STX3: variants seen among roughly 807,000 people sequenced by gnomAD.
STX3 encodes the protein syntaxin-3.
In STX3, 19 loss-of-function variants were observed where a neutral mutation model predicts 40.2. That is an observed-to-expected ratio of 0.47 (90% CI 0.33 to 0.69). The LOEUF (loss-of-function observed/expected upper bound fraction) is 0.69. Among genes scored for constraint, STX3 ranks in the 30% least tolerant of loss-of-function variants. The probability of loss-of-function intolerance (pLI) is 0.02; values close to 1 mark genes in which losing one functional copy is unlikely to be tolerated. For synonymous variants in STX3, 122 were observed against 132.2 expected, an observed-to-expected ratio of 0.92 and a Z score of 0.53; for missense variants, 364 against 366.7, an observed-to-expected ratio of 0.99 and a Z score of 0.06.
intron 1 of STX3, among the ~76,000 whole-genome samples, chr11:59,756,578 G>A (rs189758073): frequency 5.9e-5 from 9 of 152,256 alleles, no homozygotes; most frequent in African/African-American, 2.2e-4. Context: ...AGCAGCTTAG[G>A]CCTGAGTCTA....
At position 59,803,362 on chromosome 11, in the gene STX3, G is replaced by C; in HGVS notation, c.*2538G>C. On this transcript the variant is annotated 3_prime_UTR_variant, in exon 11 of 11. Transcript: ENST00000337979. ...CTGACTTGAAACCTTTGTGTCTTGG[G>C]GGCACTCTAGGTGCCTTAATCTGGG... is the stretch of plus-strand genomic sequence containing the variant. 1.9e-6 allele frequency: 2 copies of C among 1,076,452 alleles called. No individual in the cohort carries two copies. Among genetic ancestry groups the C allele is most frequent in the African/African-American group, 3.3e-5 (2 of 61,256 alleles). 66.7% of individuals were successfully genotyped at this position (1,076,452 alleles called of 1,614,324 possible).
intron 9 of STX3, chr11:59,795,700 T>C: frequency 6.5e-7 from 1 of 1,536,698 alleles, no homozygotes; most frequent in Middle Eastern, 1.7e-4. Context: ...AGTATCAGAG[T>C]GAAGCCCGGA....
chr11:59,793,209 C>T (rs776215036), intron 7 of STX3, 37 bp downstream of exon 7: 52 of 1,610,348 alleles, frequency 3.2e-5, no homozygotes, highest in Admixed American at 3.2e-4. Context: ...ACATCCCTCT[C>T]GTGAGCAGGG....
At chr11:59,780,672 C>G (rs1435276224) in intron 2 of STX3, among the ~76,000 whole-genome samples, 1 of 152,214 alleles carries the variant, frequency 6.6e-6, no homozygotes. Context: ...CATCAGACAG[C>G]TCTGGCTTTA....
At chr11:59,793,678 A>G (rs1291158210) in intron 8 of STX3, among the ~76,000 whole-genome samples, 164 bp downstream of exon 8, 1 of 152,152 alleles carries the variant, frequency 6.6e-6, no homozygotes, top group Non-Finnish European at 1.5e-5. Flanking sequence ...TGTGCATTCA[A>G]ATTGAATGTT....
Position 59,793,025 on chromosome 11 carries a change from A to G in STX3, c.467-74A>G, listed in dbSNP as rs571825681. 66 of 1,494,408 alleles carry G rather than the reference A, an allele frequency of 4.4e-5. 1 individual carries two copies. The South Asian group carries it at 7.1e-4, about 16-fold the overall frequency. 92.6% of individuals were successfully genotyped at this position (1,494,408 alleles called of 1,614,324 possible). A position where few individuals can be genotyped will look rare whatever the true frequency, so the allele number is the denominator to read the frequency against. Reference sequence around the variant, plus strand: ...GTCTTTATAGGGAAGTCACGTTCCTAATTTTCAGGGTCCTTATCAGATGGT... The same window carrying G: ...GTCTTTATAGGGAAGTCACGTTCCTGATTTTCAGGGTCCTTATCAGATGGT... On this transcript the variant is annotated intron_variant, in intron 6 of 10. Coordinates refer to ENST00000337979, the MANE Select transcript of STX3 (RefSeq NM_004177.5).
chr11:59,772,133 G>A (rs1001343509), intron 1 of STX3, among the ~76,000 whole-genome samples: 1 of 152,204 alleles, frequency 6.6e-6, no homozygotes. Context: ...CTAAGTGTTC[G>A]AGAGTGCTAT....
intron 1 of STX3, among the ~76,000 whole-genome samples, chr11:59,770,541 A>C (rs1212209566): frequency 6.6e-6 from 1 of 151,828 alleles, no homozygotes; most frequent in African/African-American, 2.4e-5. Flanking sequence ...GTCACAGTGA[A>C]CCTCTTGGGA....
At chr11:59,760,509 C>T (rs1388909933) in intron 1 of STX3, among the ~76,000 whole-genome samples, 2 of 151,904 alleles carry the variant, frequency 1.3e-5, no homozygotes, top group Non-Finnish European at 2.9e-5. Flanking sequence ...CCTTTATCCC[C>T]TTTATCTTCT....
At chr11:59,799,707 G>C (rs1865759603) in intron 10 of STX3, 1 of 985,148 alleles carries the variant, frequency 1.0e-6, no homozygotes, top group Admixed American at 6.2e-5. Flanking sequence ...CCTTCCATGT[G>C]ACCAGGGGAT....
intron 3 of STX3, 43 bp downstream of exon 3, chr11:59,787,179 TC>T (rs755455737): frequency 6.4e-7 from 1 of 1,568,662 alleles, no homozygotes; most frequent in African/African-American, 1.4e-5. Flanking sequence ...AATCACCCTT[TC>T]CTTGGAGCTG....
intron 1 of STX3, among the ~76,000 whole-genome samples, chr11:59,771,001 G>C (rs1863591401): frequency 6.6e-6 from 1 of 152,116 alleles, no homozygotes; most frequent in Non-Finnish European, 1.5e-5. Context: ...ATTCACTTCA[G>C]ACTCCTTTCA....
At chr11:59,780,981 T>A (rs1386821581) in intron 2 of STX3, among the ~76,000 whole-genome samples, 1 of 152,186 alleles carries the variant, frequency 6.6e-6, no homozygotes. Flanking sequence ...AAAGGAGAAT[T>A]GAAACATTAG....
chr11:59,793,559 C>T (rs1387830718), intron 8 of STX3, 45 bp downstream of exon 8: 6 of 1,592,796 alleles, frequency 3.8e-6, no homozygotes, highest in Non-Finnish European at 5.1e-6. Context: ...GAGAGGAAAG[C>T]TCAGGGTCTA....
At chr11:59,785,165 T>C (rs910449520) in intron 2 of STX3, among the ~76,000 whole-genome samples, 1 of 152,228 alleles carries the variant, frequency 6.6e-6, no homozygotes, top group African/African-American at 2.4e-5. Context: ...ATTATTACAT[T>C]GTAATTTTAT....
intron 2 of STX3, among the ~76,000 whole-genome samples, chr11:59,775,024 G>C (rs1863880754): frequency 6.6e-6 from 1 of 152,194 alleles, no homozygotes; most frequent in Non-Finnish European, 1.5e-5. Context: ...GAAGTATCGT[G>C]CTCTTTTTGC....
intron 9 of STX3, among the ~76,000 whole-genome samples, chr11:59,796,811 G>T (rs1012889345): frequency 1.3e-5 from 2 of 152,088 alleles, no homozygotes; most frequent in African/African-American, 4.8e-5. Flanking sequence ...AGTAATTTAA[G>T]AAATTTAAAC....
intron 9 of STX3, among the ~76,000 whole-genome samples, chr11:59,796,579 A>C (rs1865529287): frequency 6.6e-6 from 1 of 152,144 alleles, no homozygotes; most frequent in Non-Finnish European, 1.5e-5. Flanking sequence ...GACAGGTAGG[A>C]GTATGGGCAA....
At chr11:59,790,641 T>C (rs1865081782) in intron 5 of STX3, 55 bp downstream of exon 5, 1 of 1,383,056 alleles carries the variant, frequency 7.2e-7, no homozygotes, top group Non-Finnish European at 1.0e-6. Context: ...TTGTTTTCCC[T>C]TAACTGTGGA....
Sources: gnomAD v4.1 joint callset for allele counts (sites outside exome capture counted in the v4.1 genomes callset) on GRCh38, gnomAD v4.1.1 for gene constraint, MANE v1.5 for transcripts, NCBI Gene and HGNC (gene_info 2026-07-23, HGNC 2026-07-21) for gene names.